The following CDK8 variants were observed in gnomAD, a reference collection of about 807,000 sequenced individuals.
CDK8 encodes cyclin dependent kinase 8, also known as cyclin-dependent kinase 8.
Under a neutral mutation model 71.5 loss-of-function variants are expected in CDK8, and 29 were observed. The ratio of observed to expected loss-of-function variants is 0.41; its 90% CI spans 0.30 to 0.55. The LOEUF (loss-of-function observed/expected upper bound fraction) is 0.55. Among genes scored for constraint, CDK8 ranks in the 20% least tolerant of loss-of-function variants. The probability of loss-of-function intolerance (pLI) is 0.37; values close to 1 mark genes in which losing one functional copy is unlikely to be tolerated. For synonymous variants in CDK8, 161 were observed against 192.1 expected (o/e 0.84, Z 1.34); for missense variants, 288 against 572.6 (o/e 0.50, Z 5.07).
intron 1 of CDK8, among the ~76,000 whole-genome samples, chr13:26,292,596 C>T (rs1873355648): frequency 6.6e-6 from 1 of 152,096 alleles, no homozygotes; most frequent in African/African-American, 2.4e-5. Flanking sequence ...TTAAAAGTCA[C>T]ACAGGAAGCA....
intron 2 of CDK8, among the ~76,000 whole-genome samples, chr13:26,338,137 AG>A (rs1246508453): frequency 6.6e-6 from 1 of 152,074 alleles, no homozygotes; most frequent in Non-Finnish European, 1.5e-5. Context: ...TTGATTCCAA[AG>A]GGAAGTAGTC....
chr13:26,373,810 T>C (rs1343973387), intron 4 of CDK8, among the ~76,000 whole-genome samples: 4 of 152,060 alleles, frequency 2.6e-5, no homozygotes, highest in Admixed American at 2.0e-4. Flanking sequence ...AAATTAACTT[T>C]CCTGCAAAAG....
intron 1 of CDK8, among the ~76,000 whole-genome samples, chr13:26,286,786 A>G (rs928053033): frequency 2.6e-5 from 4 of 152,252 alleles, no homozygotes; most frequent in Non-Finnish European, 5.9e-5. Context: ...CCCAGAATCT[A>G]CAAGGAACTC....
chr13:26,353,645 C>G, intron 3 of CDK8, 95 bp from the exon 4 acceptor site: 1 of 944,404 alleles, frequency 1.1e-6, no homozygotes, highest in Non-Finnish European at 1.6e-6. Flanking sequence ...CTATGGGAAT[C>G]CCTGAGTGTT....
chr13:26,358,014 A>G (rs562489381), intron 4 of CDK8, among the ~76,000 whole-genome samples: 54 of 152,290 alleles, frequency 3.5e-4, no homozygotes, highest in Admixed American at 2.8e-3. Context: ...CAAATTATTC[A>G]TCCTTGGCTG....
chr13:26,277,556 G>GGA (rs1331112970), intron 1 of CDK8, among the ~76,000 whole-genome samples: 1 of 152,132 alleles, frequency 6.6e-6, no homozygotes, highest in African/African-American at 2.4e-5. Context: ...AAAATGACAA[G>GGA]GAGAAAGGTA....
chr13:26,387,555 C>A (rs906162575), intron 6 of CDK8, among the ~76,000 whole-genome samples: 1 of 152,206 alleles, frequency 6.6e-6, no homozygotes, highest in East Asian at 1.9e-4. Flanking sequence ...ATGTACCTGG[C>A]AGCCCCAGGG....
Position 26,269,548 on chromosome 13 carries a change from G to GTT in CDK8, c.128+14789_128+14790dup, listed in dbSNP as rs533400717. ...TACTTGATCTATTTCTCTTTAGATTGTTTTTTTTTTTATGGGATCATTCTA... is the reference window on the plus strand; with the variant it reads ...TACTTGATCTATTTCTCTTTAGATTGTTTTTTTTTTTTTATGGGATCATTCTA... On this transcript the variant is annotated intron_variant, in intron 1 of 12. Coordinates refer to ENST00000381527, the MANE Select transcript of CDK8 (RefSeq NM_001260.3). Among the ~76,000 whole-genome samples, 1,015 of 143,290 alleles carry GTT rather than the reference G, an allele frequency of 7.1e-3. 15 individuals are homozygous for GTT. Among genetic ancestry groups the GTT allele is most frequent in the African/African-American group, 0.024 (929 of 38,606 alleles). The allele number at this position is 143,290 out of a possible 152,430, so 94.0% of individuals were successfully genotyped here.
chr13:26,287,280 T>C (rs959619660), intron 1 of CDK8, among the ~76,000 whole-genome samples: 1 of 152,212 alleles, frequency 6.6e-6, no homozygotes, highest in African/African-American at 2.4e-5. Context: ...GAAAATGTAG[T>C]GTCTATATGT....
chr13:26,376,888 T>C (rs1244668679), intron 4 of CDK8, among the ~76,000 whole-genome samples: 1 of 152,202 alleles, frequency 6.6e-6, no homozygotes, highest in Admixed American at 6.5e-5. Flanking sequence ...TGATAGACCA[T>C]TGACGAAAGA....
intron 1 of CDK8, among the ~76,000 whole-genome samples, chr13:26,303,386 C>T (rs1045884055): frequency 2.6e-5 from 4 of 151,880 alleles, no homozygotes; most frequent in Non-Finnish European, 4.4e-5. Context: ...TTGCAACCTC[C>T]GCCTCCTGGG....
chr13:26,288,099 A>G (rs967559431), intron 1 of CDK8, among the ~76,000 whole-genome samples: 2 of 151,930 alleles, frequency 1.3e-5, no homozygotes, highest in Non-Finnish European at 2.9e-5. Flanking sequence ...AGTAGCTGGG[A>G]CTATAGGCAC....
chr13:26,270,324 G>A (rs1287482685), intron 1 of CDK8, among the ~76,000 whole-genome samples: 1 of 151,778 alleles, frequency 6.6e-6, no homozygotes, highest in Non-Finnish European at 1.5e-5. Context: ...AGGAGGTGGA[G>A]GTTGCGGTGA....
chr13:26,320,114 C>G (rs1398074814), intron 1 of CDK8, among the ~76,000 whole-genome samples: 1 of 151,924 alleles, frequency 6.6e-6, no homozygotes, highest in African/African-American at 2.4e-5. Context: ...GACAATAAAA[C>G]TCTAGCCAGA....
At chr13:26,393,736 G>C (rs891676440) in intron 7 of CDK8, among the ~76,000 whole-genome samples, 6 of 151,980 alleles carry the variant, frequency 3.9e-5, no homozygotes, top group Admixed American at 1.3e-4. Flanking sequence ...CTGTATTTTT[G>C]TTTCATCTTG....
At chr13:26,338,380 A>C (rs1023532249) in intron 2 of CDK8, among the ~76,000 whole-genome samples, 4 of 152,096 alleles carry the variant, frequency 2.6e-5, no homozygotes, top group Non-Finnish European at 5.9e-5. Context: ...CAATTTTGCA[A>C]GTTTACTAAG....
At chr13:26,378,068 T>C (rs1875037694) in intron 4 of CDK8, among the ~76,000 whole-genome samples, 1 of 152,232 alleles carries the variant, frequency 6.6e-6, no homozygotes, top group Non-Finnish European at 1.5e-5. Context: ...CCAATTTGCC[T>C]TGATACATTA....
At chr13:26,267,180 G>A (rs1197052129) in intron 1 of CDK8, among the ~76,000 whole-genome samples, 1 of 151,738 alleles carries the variant, frequency 6.6e-6, no homozygotes, top group African/African-American at 2.4e-5. Context: ...CCAGTTTTTA[G>A]GGATAGATGT....
At chr13:26,380,749 G>T (rs1324096342) in intron 4 of CDK8, among the ~76,000 whole-genome samples, 1 of 152,158 alleles carries the variant, frequency 6.6e-6, no homozygotes, top group Non-Finnish European at 1.5e-5. Context: ...CCAAAGTGCT[G>T]GCATTACAGG....
Sources: gnomAD v4.1 joint callset for allele counts (sites outside exome capture counted in the v4.1 genomes callset) on GRCh38, gnomAD v4.1.1 for gene constraint, MANE v1.5 for transcripts, NCBI Gene and HGNC (gene_info 2026-07-23, HGNC 2026-07-21) for gene names.